Variants in TACR3 observed in about 807,000 individuals in gnomAD.
The protein encoded by TACR3 is neuromedin-K receptor.
A neutral mutation model predicts 35.0 loss-of-function variants in TACR3; 34 were observed. The observed-to-expected ratio is 0.97, with a 90% confidence interval of 0.74 to 1.30. TACR3 has a LOEUF of 1.30. TACR3 is among the 50% of genes most tolerant of loss of function. The pLI is 0.00. For missense variants in TACR3, 558 were observed against 591.7 expected (o/e 0.94, Z 0.59); for synonymous variants, 233 against 221.1 (o/e 1.05, Z -0.48).
chr4:103,689,680 C>CAAAG (rs1560532717), intron 1 of TACR3, among the ~76,000 whole-genome samples: 1 of 151,896 alleles, frequency 6.6e-6, no homozygotes. Flanking sequence ...GACAAATGAA[C>CAAAG]AAAGCCTAAG....
chr4:103,708,421 A>C (rs1007609531), intron 1 of TACR3, among the ~76,000 whole-genome samples: 1 of 152,176 alleles, frequency 6.6e-6, no homozygotes, highest in African/African-American at 2.4e-5. Flanking sequence ...TCCAGCAAAC[A>C]CCAACAGACC....
chr4:103,656,700 G>A (rs542739319), intron 2 of TACR3, among the ~76,000 whole-genome samples: 1 of 152,020 alleles, frequency 6.6e-6, no homozygotes, highest in Non-Finnish European at 1.5e-5. Context: ...TATCATTGGA[G>A]GAAAAGGGAA....
In TACR3 at chr4:103,719,175, T is replaced by C. The variant is rs1723153842; in HGVS notation, c.501A>G (p.Thr167=). ...YCRFQNFFPI[T]AVFASIYSMT... is the part of the protein sequence containing the mutation. The stretch of plus-strand genomic sequence containing the variant: ...TGGAGTAGATGCTGGCGAACACAGC[T>C]GTGATAGGAAAGAAGTTCTGGAAGC... The change falls in exon 1 of 5, where the codon ACA becomes ACG. Residue 167 remains threonine (T), a synonymous_variant. Coordinates refer to ENST00000304883, the MANE Select transcript of TACR3 (RefSeq NM_001059.3). 6 of 1,614,130 alleles carry C rather than the reference T, an allele frequency of 3.7e-6. No homozygotes were observed. The highest frequency in any genetic ancestry group is 5.1e-6 in the Non-Finnish European group (6 of 1,180,020).
chr4:103,701,112 C>T (rs1393432962), intron 1 of TACR3, among the ~76,000 whole-genome samples: 1 of 152,002 alleles, frequency 6.6e-6, no homozygotes, highest in Non-Finnish European at 1.5e-5. Flanking sequence ...TCAAATTGTC[C>T]CTGTTTGCAG....
At chr4:103,671,781 C>T (rs1726062128) in intron 1 of TACR3, among the ~76,000 whole-genome samples, 1 of 151,598 alleles carries the variant, frequency 6.6e-6, no homozygotes, top group Non-Finnish European at 1.5e-5. Context: ...TTATAAACTT[C>T]CCTCTTAGTC....
chr4:103,679,886 G>A (rs1217485769), intron 1 of TACR3, among the ~76,000 whole-genome samples: 1 of 151,652 alleles, frequency 6.6e-6, no homozygotes, highest in African/African-American at 2.4e-5. Flanking sequence ...GCAGAAGCTG[G>A]GGCAGACTAA....
chr4:103,669,156 A>G (rs2079125), intron 1 of TACR3, among the ~76,000 whole-genome samples: 18,051 of 152,026 alleles, frequency 0.12, 1,468 homozygotes, highest in East Asian at 0.43. Context: ...TCATTTTTTC[A>G]TGGCTGAATA....
At chr4:103,685,196 A>G (rs1722202617) in intron 1 of TACR3, among the ~76,000 whole-genome samples, 1 of 152,096 alleles carries the variant, frequency 6.6e-6, no homozygotes, top group Non-Finnish European at 1.5e-5. Context: ...TTTGGAGTCT[A>G]GAAACAGATG....
chr4:103,630,013 T>G (rs1279906873), intron 3 of TACR3, among the ~76,000 whole-genome samples: 1 of 152,020 alleles, frequency 6.6e-6, no homozygotes, highest in Non-Finnish European at 1.5e-5. Flanking sequence ...TGGTACAGAA[T>G]AGAGCCCTCA....
Position 103,589,112 on chromosome 4 carries a change from T to C in TACR3, c.*570A>G, listed in dbSNP as rs942837189. ...AAATGCCATGGAAGAAATCTTTAAA[T>C]CTTTAAATCTTTACATTCTACAAAA... is the stretch of plus-strand genomic sequence containing the variant. On this transcript the variant is annotated 3_prime_UTR_variant, in exon 5 of 5. Coordinates refer to ENST00000304883, the MANE Select transcript of TACR3 (RefSeq NM_001059.3). 1 of 152,262 alleles carries C rather than the reference T, an allele frequency of 6.6e-6. No individual in the cohort carries two copies. Among genetic ancestry groups the C allele is most frequent in the South Asian group, 2.1e-4 (1 of 4,836 alleles). The allele number at this position is 152,262 out of a possible 1,614,324, so 9.4% of individuals were successfully genotyped here.
intron 1 of TACR3, among the ~76,000 whole-genome samples, chr4:103,663,681 T>G (rs1476973941): frequency 6.6e-6 from 1 of 152,152 alleles, no homozygotes; most frequent in African/African-American, 2.4e-5. Context: ...GACACTTGGT[T>G]GGCCAAAGAA....
chr4:103,717,816 A>AT (rs3839187), intron 1 of TACR3, among the ~76,000 whole-genome samples: 17 of 151,672 alleles, frequency 1.1e-4, no homozygotes, highest in East Asian at 5.8e-4. Context: ...CTGGAGTCTG[A>AT]TTTTTTTTTC....
At chr4:103,624,663 A>G (rs1295755423) in intron 3 of TACR3, 2 of 152,210 alleles carry the variant, frequency 1.3e-5, no homozygotes, top group Non-Finnish European at 1.5e-5. Context: ...AAGAAATCTG[A>G]AGAGATTTAC....
intron 1 of TACR3, among the ~76,000 whole-genome samples, chr4:103,691,055 T>A (rs756827520): frequency 2.2e-4 from 33 of 152,158 alleles, no homozygotes; most frequent in Non-Finnish European, 4.3e-4. Context: ...GGTAGTGCAG[T>A]TTCTTATAAA....
intron 1 of TACR3, among the ~76,000 whole-genome samples, 191 bp downstream of exon 1, chr4:103,718,937 C>A (rs1723148078): frequency 6.6e-6 from 1 of 152,094 alleles, no homozygotes; most frequent in Non-Finnish European, 1.5e-5. Flanking sequence ...GTGTTGGAGG[C>A]CACGGAAGCA....
intron 3 of TACR3, among the ~76,000 whole-genome samples, chr4:103,632,548 G>T (rs759778487): frequency 6.6e-6 from 1 of 151,862 alleles, no homozygotes; most frequent in Non-Finnish European, 1.5e-5. Context: ...GTGGGTGGGG[G>T]GTGAGGGGAG....
intron 1 of TACR3, among the ~76,000 whole-genome samples, chr4:103,677,383 A>C (rs1258288815): frequency 6.6e-6 from 1 of 152,156 alleles, no homozygotes; most frequent in Non-Finnish European, 1.5e-5. Context: ...AATATAAATC[A>C]TTCTATTATA....
At chr4:103,710,981 G>A (rs1380902716) in intron 1 of TACR3, among the ~76,000 whole-genome samples, 1 of 152,156 alleles carries the variant, frequency 6.6e-6, no homozygotes, top group Non-Finnish European at 1.5e-5. Flanking sequence ...AACAGGCTCT[G>A]AAATTGAGGC....
chr4:103,685,007 A>ATAAC (rs917748814), intron 1 of TACR3, among the ~76,000 whole-genome samples: 1 of 150,268 alleles, frequency 6.7e-6, no homozygotes, highest in Non-Finnish European at 1.5e-5. Context: ...AAATAAATAA[A>ATAAC]TAAATAAATA....
Sources: gnomAD v4.1 joint callset for allele counts (sites outside exome capture counted in the v4.1 genomes callset) on GRCh38, gnomAD v4.1.1 for gene constraint, MANE v1.5 for transcripts, NCBI Gene and HGNC (gene_info 2026-07-23, HGNC 2026-07-21) for gene names.